The following CPLX1 variants were observed in gnomAD, a reference collection of about 807,000 sequenced individuals.
CPLX1 encodes the protein complexin 1, also known as complexin-1.
A neutral mutation model predicts 15.6 loss-of-function variants in CPLX1; 6 were observed. The observed-to-expected ratio is 0.39, with a 90% CI of 0.21 to 0.76. CPLX1 has a LOEUF of 0.76. CPLX1 is among the 30% of genes least tolerant of loss of function. The probability of loss-of-function intolerance (pLI) is 0.43; values close to 1 mark genes in which losing one functional copy is unlikely to be tolerated. For missense variants in CPLX1, 242 were observed against 188.6 expected, an observed-to-expected ratio of 1.28 and a Z score of -1.66; for synonymous variants, 91 against 75.2, an observed-to-expected ratio of 1.21 and a Z score of -1.08.
At chr4:799,358 G>A (rs948225056) in intron 2 of CPLX1, among the ~76,000 whole-genome samples, 1 of 152,220 alleles carries the variant, frequency 6.6e-6, no homozygotes, top group African/African-American at 2.4e-5. Flanking sequence ...TCAAGAGGCG[G>A]GGTTCAGGAG....
rs1746504469 is a variant in CPLX1, at chr4:803,755, C to T, written c.32-11147G>A. Among the ~76,000 whole-genome samples the T allele has an allele frequency of 2.6e-5, 4 of 151,836 alleles. No homozygotes were observed. The South Asian group carries it at 8.3e-4, about 32-fold the overall frequency. On this transcript the variant is annotated intron_variant, in intron 2 of 3. Transcript: ENST00000304062. ...GCGTGATCTTGGCTCGCTGCAACCT[C>T]CACTCCTGGGTTCAAGCCATTCTTG...
intron 2 of CPLX1, among the ~76,000 whole-genome samples, chr4:798,494 C>T (rs1388770575): frequency 6.6e-6 from 1 of 152,182 alleles, no homozygotes; most frequent in Non-Finnish European, 1.5e-5. Flanking sequence ...TCACTGCAGT[C>T]TCAACTTCCT....
At chr4:796,967 C>G (rs1020642288) in intron 2 of CPLX1, among the ~76,000 whole-genome samples, 1 of 152,250 alleles carries the variant, frequency 6.6e-6, no homozygotes, top group Non-Finnish European at 1.5e-5. Flanking sequence ...GACACAGGAC[C>G]CCCACGTGGG....
chr4:793,504 C>T (rs1746244686), intron 2 of CPLX1, among the ~76,000 whole-genome samples: 1 of 152,216 alleles, frequency 6.6e-6, no homozygotes, highest in Non-Finnish European at 1.5e-5. Context: ...GCTCTGAATA[C>T]AGCAGGCACT....
chr4:790,905 G>T (rs924721689), intron 3 of CPLX1, among the ~76,000 whole-genome samples: 20 of 150,714 alleles, frequency 1.3e-4, no homozygotes, highest in African/African-American at 4.9e-4. Context: ...TCCTCTCTTT[G>T]TCTCTCTCCC....
At chr4:791,655 C>T (rs3775148) in intron 3 of CPLX1, among the ~76,000 whole-genome samples, 11,875 of 152,280 alleles carry the variant, frequency 0.078, 517 homozygotes, top group South Asian at 0.14. Flanking sequence ...TTGGCCCATC[C>T]AGGGCAGGGG....
intron 2 of CPLX1, among the ~76,000 whole-genome samples, chr4:819,674 C>T (rs985996457): frequency 2.0e-5 from 3 of 152,236 alleles, no homozygotes; most frequent in African/African-American, 7.2e-5. Flanking sequence ...CAACACCCGG[C>T]CTCTGTTTGG....
At chr4:811,697 T>C (rs950908143) in intron 2 of CPLX1, among the ~76,000 whole-genome samples, 7 of 152,222 alleles carry the variant, frequency 4.6e-5, no homozygotes, top group Admixed American at 1.3e-4. Flanking sequence ...ACTACTCTGC[T>C]GTTGCTGCTC....
chr4:792,744 C>T (rs1416490174), intron 2 of CPLX1, 136 bp from the exon 3 acceptor site: 6 of 893,090 alleles, frequency 6.7e-6, no homozygotes, highest in Non-Finnish European at 9.9e-6. Context: ...GCCCCCACCA[C>T]CCTCCAGCCG....
intron 2 of CPLX1, among the ~76,000 whole-genome samples, chr4:799,178 C>T (rs549927300): frequency 6.6e-6 from 1 of 152,346 alleles, no homozygotes; most frequent in Non-Finnish European, 1.5e-5. Context: ...GTCATAAGCC[C>T]TCATTTCAGA....
chr4:787,180 C>G (rs1363357091), intron 3 of CPLX1: 1 of 985,192 alleles, frequency 1.0e-6, no homozygotes, highest in Non-Finnish European at 1.2e-6. Flanking sequence ...TGGATGCGGC[C>G]GCGGCCCCAG....
intron 2 of CPLX1, among the ~76,000 whole-genome samples, chr4:822,867 G>A (rs1279076334): frequency 2.1e-4 from 15 of 69,798 alleles, no homozygotes; most frequent in Admixed American, 1.1e-3. Flanking sequence ...CTCTGGCTCC[G>A]AGCCTCAACG....
intron 2 of CPLX1, among the ~76,000 whole-genome samples, chr4:822,163 C>T (rs562146893): frequency 4.6e-5 from 7 of 150,660 alleles, no homozygotes; most frequent in African/African-American, 1.2e-4. Context: ...TCTGATTCTC[C>T]GTCTCTCCCC....
At chr4:793,802 G>A (rs1746255628) in intron 2 of CPLX1, among the ~76,000 whole-genome samples, 1 of 152,166 alleles carries the variant, frequency 6.6e-6, no homozygotes, top group African/African-American at 2.4e-5. Context: ...TGAAGGTCTT[G>A]CCTCTGGGCT....
intron 3 of CPLX1, chr4:788,023 C>T (rs937161519): frequency 2.9e-5 from 29 of 985,308 alleles, no homozygotes; most frequent in East Asian, 1.1e-4. Context: ...TCAGCAGCTG[C>T]GTCCAGGAGA....
intron 2 of CPLX1, among the ~76,000 whole-genome samples, chr4:804,351 C>T (rs1746514948): frequency 6.6e-6 from 1 of 152,210 alleles, no homozygotes; most frequent in African/African-American, 2.4e-5. Context: ...AATATCCATA[C>T]TTCCGAATTA....
In CPLX1 at chr4:810,047, CT is replaced by C. The variant is rs34354609; in HGVS notation, c.31+14444del. On this transcript the variant is annotated intron_variant, in intron 2 of 3. Transcript: ENST00000304062. ...ACACGTCTGTGTGGATCTGCACTTT[CT>C]TTTTTTTTTTTTTTTTTTTGAGATG... 5.6e-3 allele frequency among the ~76,000 whole-genome samples: 675 copies of C among 120,340 alleles called. 1 individual carries two copies. Among genetic ancestry groups the C allele is most frequent in the Middle Eastern group, 8.5e-3 (2 of 234 alleles). The allele number at this position is 120,340 out of a possible 152,430, so 78.9% of individuals were successfully genotyped here.
At chr4:794,126 C>T (rs895207516) in intron 2 of CPLX1, among the ~76,000 whole-genome samples, 1 of 152,218 alleles carries the variant, frequency 6.6e-6, no homozygotes, top group African/African-American at 2.4e-5. Flanking sequence ...AGCTCCCTGT[C>T]GAGGGTGGGC....
intron 2 of CPLX1, among the ~76,000 whole-genome samples, chr4:803,686 T>C (rs912806380): frequency 6.8e-6 from 1 of 146,312 alleles, no homozygotes; most frequent in Non-Finnish European, 1.5e-5. Context: ...CGCCCGGCCT[T>C]CTTTCTTTCT....
Sources: allele counts gnomAD v4.1 joint callset (sites outside exome capture counted in the v4.1 genomes callset), GRCh38; gene constraint gnomAD v4.1.1; transcripts MANE v1.5; gene names NCBI Gene and HGNC (gene_info 2026-07-23, HGNC 2026-07-21).